The following PIGS variants were observed in gnomAD, a reference collection of about 807,000 sequenced individuals.
PIGS encodes GPI-anchor transamidase component PIGS.
Under a neutral mutation model 58.2 loss-of-function variants are expected in PIGS, and 37 were observed. The observed-to-expected ratio is 0.64, with a 90% CI of 0.49 to 0.84. The LOEUF is 0.84. Among genes scored for constraint, PIGS ranks in the 40% least tolerant of loss-of-function variants. PIGS has a pLI of 0.00. For synonymous variants in PIGS, 269 were observed against 289.2 expected (o/e 0.93, Z 0.71); for missense variants, 629 against 710.8 (o/e 0.88, Z 1.31).
intron 3 of PIGS, among the ~76,000 whole-genome samples, chr17:28,569,045 C>A (rs1597587664): frequency 7.3e-6 from 1 of 137,486 alleles, no homozygotes; most frequent in Non-Finnish European, 1.5e-5. Flanking sequence ...TGCAGTGAGC[C>A]AAAATCGTGC....
rs374055188 is a variant in PIGS at position 28,561,634 on chromosome 17, G to A, written c.469-5C>T. 20 of 1,608,440 alleles carry A rather than the reference G, an allele frequency of 1.2e-5. No homozygotes were observed. Among genetic ancestry groups the A allele is most frequent in the Non-Finnish European group, 1.7e-5 (20 of 1,177,086 alleles). On this transcript the variant is annotated splice_region_variant and splice_polypyrimidine_tract_variant and intron_variant, in intron 5 of 11. Coordinates refer to ENST00000308360, the MANE Select transcript of PIGS (RefSeq NM_033198.4). ...CCCAATGTAGCTCATCATGTCCTGT[G>A]GGGGTGAGCAAGAGACAGAATGCCC...
At chr17:28,564,000 G>A (rs1488236788) in intron 3 of PIGS, 93 bp from the exon 4 acceptor site, 22 of 1,066,166 alleles carry the variant, frequency 2.1e-5, no homozygotes, top group Non-Finnish European at 3.0e-5. Context: ...TCTGAGGACA[G>A]CAAGATGGCT....
At chr17:28,556,298 A>G in intron 9 of PIGS, 32 bp from the exon 10 acceptor site, 1 of 1,498,786 alleles carries the variant, frequency 6.7e-7, no homozygotes, top group Middle Eastern at 1.7e-4. Flanking sequence ...CCACAACATC[A>G]TACCAGGCCC....
intron 3 of PIGS, among the ~76,000 whole-genome samples, chr17:28,570,126 C>T (rs2070418202): frequency 2.0e-5 from 3 of 152,306 alleles, no homozygotes; most frequent in Admixed American, 2.0e-4. Context: ...TCTCCCCTAC[C>T]TATGAACATC....
chr17:28,566,260 CTTTTTCTTTTCT>C (rs1386439992), intron 3 of PIGS, among the ~76,000 whole-genome samples: 1 of 131,794 alleles, frequency 7.6e-6, no homozygotes, highest in Admixed American at 7.7e-5. Context: ...CCCTTGTCTA[CTTTTTCTTTTCT>C]TTTTTTTTTT....
At chr17:28,563,217 C>T (rs1032507479) in intron 5 of PIGS, among the ~76,000 whole-genome samples, 4 of 151,744 alleles carry the variant, frequency 2.6e-5, no homozygotes, top group African/African-American at 9.7e-5. Context: ...CACTTGAACC[C>T]GGGAGGCGGA....
At chr17:28,561,707 G>A (rs8074623) in intron 5 of PIGS, 78 bp from the exon 6 acceptor site, 131,326 of 1,432,716 alleles carry the variant, frequency 0.092, 6,524 homozygotes, top group East Asian at 0.16. Context: ...CTACTGTTCC[G>A]AATCTGCCCC....
At chr17:28,563,576 C>G in intron 4 of PIGS, 54 bp from the exon 5 acceptor site, 1 of 1,535,020 alleles carries the variant, frequency 6.5e-7, no homozygotes, top group Non-Finnish European at 9.0e-7. Context: ...CCATCTCCCC[C>G]CAGCCCCAAA....
chr17:28,556,001 A>C, intron 10 of PIGS, 165 bp downstream of exon 10: 2 of 621,732 alleles, frequency 3.2e-6, no homozygotes, highest in Non-Finnish European at 5.7e-6. Context: ...GTCACCTACT[A>C]GTCCTTCTTA....
At chr17:28,569,945 C>CATGCTATTAACTT (rs2070417289) in intron 3 of PIGS, among the ~76,000 whole-genome samples, 3 of 152,200 alleles carry the variant, frequency 2.0e-5, no homozygotes, top group Non-Finnish European at 4.4e-5. Flanking sequence ...CTGAAATTCT[C>CATGCTATTAACTT]TCCCTCCTTT....
chr17:28,563,525 G>A lies in PIGS; in HGVS notation c.377-3C>T, dbSNP rs909740818. ...CTCATCTAACATGGCTTCTGCCTCT[G>A]GGGGCAAGAACAGGTGGTACACCAA... is the stretch of plus-strand genomic sequence containing the variant. On this transcript the variant is annotated splice_region_variant and splice_polypyrimidine_tract_variant and intron_variant, in intron 4 of 11. Coordinates refer to ENST00000308360, the MANE Select transcript of PIGS (RefSeq NM_033198.4). 23 of 1,613,312 alleles carry A rather than the reference G, an allele frequency of 1.4e-5. No homozygotes were observed. Among genetic ancestry groups the A allele is most frequent in the Non-Finnish European group, 1.9e-5 (22 of 1,179,696 alleles).
intron 3 of PIGS, among the ~76,000 whole-genome samples, chr17:28,565,515 T>C (rs964036577): frequency 2.6e-5 from 4 of 152,224 alleles, no homozygotes; most frequent in African/African-American, 9.7e-5. Flanking sequence ...CTAAAATTTA[T>C]TGAAAAAGTT....
Position 28,553,951 on chromosome 17 carries a change from G to A in PIGS, c.*269C>T. On this transcript the variant is annotated 3_prime_UTR_variant, in exon 12 of 12. Coordinates refer to ENST00000308360, the MANE Select transcript of PIGS (RefSeq NM_033198.4). The stretch of plus-strand genomic sequence containing the variant: ...ACAGTCCTTGCCACAGAGGGAGACA[G>A]GCAGCAGCCTTATCAAACAAGATAA... The A allele has an allele frequency of 2.0e-5, 10 of 490,646 alleles. No homozygotes were observed. Among genetic ancestry groups the A allele is most frequent in the Non-Finnish European group, 3.7e-5 (10 of 270,646 alleles). 30.4% of individuals were successfully genotyped at this position (490,646 alleles called of 1,614,324 possible). A position where few individuals can be genotyped will look rare whatever the true frequency, so the allele number is the denominator to read the frequency against.
intron 3 of PIGS, among the ~76,000 whole-genome samples, chr17:28,569,474 CAAAA>C (rs767305172): frequency 4.5e-5 from 3 of 66,088 alleles, no homozygotes; most frequent in Non-Finnish European, 3.1e-5. Context: ...GACCCTTTCT[CAAAA>C]AAAAAAAAAA....
chr17:28,556,103 C>A, intron 10 of PIGS, 63 bp downstream of exon 10: 5 of 1,477,428 alleles, frequency 3.4e-6, no homozygotes, highest in Non-Finnish European at 4.7e-6. Flanking sequence ...CTTGATTCCA[C>A]TTTGCAACTC....
At chr17:28,559,848 C>T (rs1312204479) in intron 7 of PIGS, among the ~76,000 whole-genome samples, 3 of 152,024 alleles carry the variant, frequency 2.0e-5, no homozygotes, top group Non-Finnish European at 4.4e-5. Flanking sequence ...AGTAAAGACA[C>T]CAGAATCTGC....
At chr17:28,563,410 G>C (rs558843464) in intron 5 of PIGS, 21 bp downstream of exon 5, 2 of 1,599,846 alleles carry the variant, frequency 1.3e-6, no homozygotes, top group Non-Finnish European at 1.7e-6. Flanking sequence ...AGGCAAAGTC[G>C]CAGCCTCTCT....
Position 28,554,874 on chromosome 17 carries a change from T to C in PIGS, c.1369A>G (p.Ile457Val). ...QLLGKISNIVIKDDVASEVYK... is the reference protein window; with the variant it reads ...QLLGKISNIVVKDDVASEVYK... ...ACCTCAGATGCCACGTCGTCCTTAA[T>C]GACAATGTTGCTGATCTTGCCCAGA... is the stretch of plus-strand genomic sequence containing the variant. The change falls in exon 11 of 12, where the codon ATT becomes GTT. Residue 457 changes from isoleucine (I) to valine (V), a missense_variant. By Grantham distance (29) the Ile-to-Val change is conservative. Coordinates refer to ENST00000308360, the MANE Select transcript of PIGS (RefSeq NM_033198.4). 14 of 1,614,190 alleles carry C rather than the reference T, an allele frequency of 8.7e-6. No individual in the cohort carries two copies. Among genetic ancestry groups the C allele is most frequent in the Non-Finnish European group, 1.2e-5 (14 of 1,180,024 alleles).
At chr17:28,556,320 T>G in intron 9 of PIGS, 54 bp from the exon 10 acceptor site, 33 of 1,324,394 alleles carry the variant, frequency 2.5e-5, no homozygotes, top group Middle Eastern at 1.8e-4. Flanking sequence ...TGCACAGCTC[T>G]GCCCTAGGCA....
Sources: allele counts gnomAD v4.1 joint callset (sites outside exome capture counted in the v4.1 genomes callset), GRCh38; gene constraint gnomAD v4.1.1; transcripts MANE v1.5; gene names NCBI Gene and HGNC (gene_info 2026-07-23, HGNC 2026-07-21).